The following LHFPL5 variants were observed in gnomAD, a reference collection of about 807,000 sequenced individuals.
LHFPL5 encodes LHFPL tetraspan subfamily member 5 protein.
Under a neutral mutation model 18.7 loss-of-function variants are expected in LHFPL5, and 12 were observed. The observed-to-expected ratio is 0.64, with a 90% CI of 0.41 to 1.04. The LOEUF (loss-of-function observed/expected upper bound fraction) is 1.04. Among genes scored for constraint, LHFPL5 ranks in the 50% least tolerant of loss-of-function variants. LHFPL5 has a pLI of 0.00. For missense variants in LHFPL5, 259 were observed against 292.1 expected (o/e 0.89, Z 0.83); for synonymous variants, 111 against 120.2 (o/e 0.92, Z 0.50).
chr6:35,814,690 T>C lies in LHFPL5; in HGVS notation c.557T>C (p.Ile186Thr), dbSNP rs1768728728. Residue 186 changes from isoleucine (I) to threonine (T), a missense_variant, in exon 2 of 4, where the codon ATT (isoleucine) becomes ACT (threonine). Ile to Thr is a moderately conservative substitution (Grantham distance 89). Transcript: ENST00000360215. This position sits in a 1 kb window ranked among gnomAD's most constrained non-coding sequence, Gnocchi z 4.2. ...GCCTTCATGCTGGCCATCCTCAGCA[T>C]TGGCGACGCCCTCATCCTCTCCTTC... is the stretch of plus-strand genomic sequence containing the variant. ...RWAFMLAILS[I>T]GDALILSFLA... 1.2e-6 allele frequency: 2 copies of C among 1,614,124 alleles called. No homozygotes were observed. The highest frequency in any genetic ancestry group is 2.2e-5 in the East Asian group (1 of 44,860).
rs1554147845 is a variant in LHFPL5 at position 35,823,430 on chromosome 6, T to TATATATAC, written c.*466_*467insTATATACA. The TATATATAC allele has an allele frequency of 1.2e-5, 1 of 83,446 alleles. No homozygotes were observed. Among genetic ancestry groups the TATATATAC allele is most frequent in the African/African-American group, 4.7e-5 (1 of 21,092 alleles). 5.2% of individuals were successfully genotyped at this position (83,446 alleles called of 1,614,324 possible). On this transcript the variant is annotated 3_prime_UTR_variant, in exon 4 of 4. Transcript: ENST00000360215. ...ACACACACACACACACACACATACATACACACACACATATATATACACACA... is the reference window on the plus strand; with the variant it reads ...ACACACACACACACACACACATACATATATATACACACACACACATATATATACACACA...
In LHFPL5 at chr6:35,815,174, G is replaced by A. The variant is rs112490320; in HGVS notation, c.649+392G>A. On this transcript the variant is annotated intron_variant, in intron 2 of 3. Coordinates refer to ENST00000360215, the MANE Select transcript of LHFPL5 (RefSeq NM_182548.4). ...AGATGAGTTGCTGGGGAGGGAGTGCGACCTTGAGAACAGGCCAATGAGGGT... is the reference window on the plus strand; with the variant it reads ...AGATGAGTTGCTGGGGAGGGAGTGCAACCTTGAGAACAGGCCAATGAGGGT... Among the ~76,000 whole-genome samples, 1,313 of 152,176 alleles carry A rather than the reference G, an allele frequency of 8.6e-3. 9 individuals carry two copies. Among genetic ancestry groups the A allele is most frequent in the Middle Eastern group, 0.024 (7 of 294 alleles).
chr6:35,814,655 C>T lies in LHFPL5; in HGVS notation c.522C>T (p.Thr174=), dbSNP rs968250165. The part of the protein sequence containing the change: ...QTGKYTLGHC[T]IRWAFMLAIL... ...GCAAGTACACGCTGGGCCACTGCACCATCCGCTGGGCCTTCATGCTGGCCA... is the reference window on the plus strand; with the variant it reads ...GCAAGTACACGCTGGGCCACTGCACTATCCGCTGGGCCTTCATGCTGGCCA... Residue 174 remains threonine (T), a synonymous_variant, in exon 2 of 4, where the codon ACC becomes ACT. Transcript: ENST00000360215. The surrounding 1 kb of genome is among the most constrained non-coding windows in gnomAD (Gnocchi z 4.2). The T allele has an allele frequency of 1.9e-6, 3 of 1,614,058 alleles. No individual in the cohort carries two copies. The Admixed American group carries it at 5.0e-5, about 27-fold the overall frequency.
intron 2 of LHFPL5, among the ~76,000 whole-genome samples, chr6:35,816,435 A>G (rs1304994384): frequency 2.6e-5 from 4 of 152,072 alleles, no homozygotes; most frequent in Non-Finnish European, 5.9e-5. Context: ...TTCTCATCAC[A>G]GTAGGGTAGA....
Position 35,805,373 on chromosome 6 carries a change from A to C in LHFPL5, c.-298A>C. 31 of 311,090 alleles carry C rather than the reference A, an allele frequency of 1.0e-4. No homozygotes were observed. The highest frequency in any genetic ancestry group is 2.2e-4 in the East Asian group (4 of 17,834). 19.3% of individuals were successfully genotyped at this position (311,090 alleles called of 1,614,324 possible). A position where few individuals can be genotyped will look rare whatever the true frequency, so the allele number is the denominator to read the frequency against. ...GGCTCTCGGGAGCCGTGAGCCGGGA[A>C]GAGGGAGACGGGCAGGGCGGCGCCA... On this transcript the variant is annotated 5_prime_UTR_variant, in exon 1 of 4. Coordinates refer to ENST00000360215, the MANE Select transcript of LHFPL5 (RefSeq NM_182548.4). This position sits in a 1 kb window ranked among gnomAD's most constrained non-coding sequence, Gnocchi z 4.3.
intron 1 of LHFPL5, among the ~76,000 whole-genome samples, chr6:35,809,731 T>A (rs60467728): frequency 0.23 from 35,607 of 152,136 alleles, 4,399 homozygotes; most frequent in South Asian, 0.27. Flanking sequence ...CTGGAACTCC[T>A]GAGCTCAGGC....
Position 35,821,725 on chromosome 6 carries a change from C to G in LHFPL5, c.*17-1257C>G, listed in dbSNP as rs188130353. Among the ~76,000 whole-genome samples, 305 of 152,120 alleles carry G rather than the reference C, an allele frequency of 2.0e-3. 9 individuals carry two copies. The highest frequency in any genetic ancestry group is 0.02 in the Admixed American group (303 of 15,250). On this transcript the variant is annotated intron_variant, in intron 3 of 3. Transcript: ENST00000360215. ...CGAACTCCCGACCTCAGGTGATCCT[C>G]CCGCCTCAGCCTCCAGAAGTGCTGG...
intron 3 of LHFPL5, among the ~76,000 whole-genome samples, chr6:35,820,094 T>C (rs189939052): frequency 5.1e-4 from 77 of 152,322 alleles, no homozygotes; most frequent in African/African-American, 1.8e-3. Flanking sequence ...GAAGTCATTA[T>C]TGTAATTTGG....
At chr6:35,818,670 TA>T (rs1361723091) in intron 2 of LHFPL5, among the ~76,000 whole-genome samples, 291 of 144,788 alleles carry the variant, frequency 2.0e-3, no homozygotes, top group African/African-American at 5.9e-3. Flanking sequence ...TTATATTAAT[TA>T]AAAAAAAAAG....
At chr6:35,822,712 C>T (rs1768888480) in intron 3 of LHFPL5, among the ~76,000 whole-genome samples, 1 of 152,030 alleles carries the variant, frequency 6.6e-6, no homozygotes, top group Non-Finnish European at 1.5e-5. Context: ...TGGTGTTGAT[C>T]TCCTGATCTC....
In LHFPL5 at chr6:35,805,801, T is replaced by C. The variant is rs1348999012; in HGVS notation, c.131T>C (p.Phe44Ser). The change falls in exon 1 of 4, where the codon TTC (phenylalanine) becomes TCC (serine). Residue 44 changes from phenylalanine (F) to serine (S), a missense_variant. Physicochemically the swap from Phe to Ser is radical, Grantham distance 155 (BLOSUM62 -2). Transcript: ENST00000360215. The surrounding 1 kb of genome is among the most constrained non-coding windows in gnomAD (Gnocchi z 4.3). ...ICFSVLVMAL[F>S]IQPYWIGDSV... The stretch of plus-strand genomic sequence containing the variant: ...TTCTCCGTACTGGTCATGGCCCTCT[T>C]CATCCAGCCCTACTGGATCGGCGAC... 1.2e-6 allele frequency: 2 copies of C among 1,614,120 alleles called. No homozygotes were observed. Among genetic ancestry groups the C allele is most frequent in the Non-Finnish European group, 1.7e-6 (2 of 1,180,044 alleles).
intron 1 of LHFPL5, among the ~76,000 whole-genome samples, chr6:35,807,618 C>T (rs989281383): frequency 6.6e-6 from 1 of 152,160 alleles, no homozygotes; most frequent in South Asian, 2.1e-4. Flanking sequence ...GCATCTGAAT[C>T]CCAGACCACC....
intron 2 of LHFPL5, among the ~76,000 whole-genome samples, chr6:35,816,025 G>T (rs974959095): frequency 6.6e-5 from 10 of 152,004 alleles, no homozygotes; most frequent in African/African-American, 2.4e-4. Context: ...CAAAAAATTA[G>T]CCGGGTGCGG....
rs1268813145 is a variant in LHFPL5, at chr6:35,823,114, T to A, written c.*149T>A. 1.3e-5 allele frequency: 2 copies of A among 152,108 alleles called. No homozygotes were observed. The highest frequency in any genetic ancestry group is 2.9e-5 in the Non-Finnish European group (2 of 68,020). 9.4% of individuals were successfully genotyped at this position (152,108 alleles called of 1,614,324 possible). On this transcript the variant is annotated 3_prime_UTR_variant, in exon 4 of 4. Transcript: ENST00000360215. Reference sequence around the variant, plus strand: ...AAGCCTTTTATTATAACACTAAAACTGGACAGTCTCCTGAGACAAGACCTC... The same window carrying A: ...AAGCCTTTTATTATAACACTAAAACAGGACAGTCTCCTGAGACAAGACCTC...
intron 1 of LHFPL5, among the ~76,000 whole-genome samples, chr6:35,806,570 T>C (rs1482567736): frequency 2.0e-5 from 3 of 152,270 alleles, no homozygotes; most frequent in Non-Finnish European, 4.4e-5. Flanking sequence ...TTTTTAAGAG[T>C]GCCCAGAACT....
rs544317395 is a variant in LHFPL5 at position 35,814,867 on chromosome 6, C to T, written c.649+85C>T. 2.4e-6 allele frequency: 3 copies of T among 1,261,276 alleles called. No individual in the cohort carries two copies. The highest frequency in any genetic ancestry group is 2.9e-5 in the African/African-American group (2 of 68,102). The allele number at this position is 1,261,276 out of a possible 1,614,324, so 78.1% of individuals were successfully genotyped here. A position where few individuals can be genotyped will look rare whatever the true frequency, so the allele number is the denominator to read the frequency against. ...GTTCATCTTAGCCAGTCCTCTAAGG[C>T]TTGGTCCCTGGCCAAGGGATGGGGA... is the stretch of plus-strand genomic sequence containing the variant. On this transcript the variant is annotated intron_variant, in intron 2 of 3. Coordinates refer to ENST00000360215, the MANE Select transcript of LHFPL5 (RefSeq NM_182548.4). This position sits in a 1 kb window ranked among gnomAD's most constrained non-coding sequence, Gnocchi z 4.2.
chr6:35,814,809 CCCCTGCCTGGAGA>C lies in LHFPL5; in HGVS notation c.649+33_649+45del. Reference sequence around the variant, plus strand: ...TAATCACCCAACTCCACAATGGTGTCCCCTGCCTGGAGACCCTGGGATGTGGGTGGGGGTTCAT... The same window carrying C: ...TAATCACCCAACTCCACAATGGTGTCCCCTGGGATGTGGGTGGGGGTTCAT... On this transcript the variant is annotated intron_variant, in intron 2 of 3. Transcript: ENST00000360215. The surrounding 1 kb of genome is among the most constrained non-coding windows in gnomAD (Gnocchi z 4.2). 2 of 1,595,158 alleles carry C rather than the reference CCCCTGCCTGGAGA, an allele frequency of 1.3e-6. No individual in the cohort carries two copies. Among genetic ancestry groups the C allele is most frequent in the Non-Finnish European group, 8.6e-7 (1 of 1,162,862 alleles).
intron 1 of LHFPL5, among the ~76,000 whole-genome samples, chr6:35,811,960 G>A (rs1768671790): frequency 6.6e-6 from 1 of 152,230 alleles, no homozygotes; most frequent in Non-Finnish European, 1.5e-5. Context: ...AGTCAGGAAA[G>A]TCAGGAATGG....
intron 3 of LHFPL5, among the ~76,000 whole-genome samples, chr6:35,821,709 G>A (rs1282825685): frequency 2.0e-5 from 3 of 151,834 alleles, no homozygotes; most frequent in Admixed American, 2.0e-4. Flanking sequence ...TCGAACTCCC[G>A]ACCTCAGGTG....
Sources: gnomAD v4.1 joint callset for allele counts (sites outside exome capture counted in the v4.1 genomes callset) on GRCh38, gnomAD v4.1.1 for gene constraint, Gnocchi (gnomAD v3.1) non-coding constraint, MANE v1.5 for transcripts, NCBI Gene and HGNC (gene_info 2026-07-23, HGNC 2026-07-21) for gene names.